CHCHD3: variants seen among roughly 807,000 people sequenced by gnomAD.
CHCHD3 encodes the protein MICOS complex subunit MIC19.
CHCHD3 carries 20 observed loss-of-function variants against 38.2 expected under a neutral mutation model. That is an observed-to-expected ratio of 0.52 (90% confidence interval 0.37 to 0.76). The LOEUF (loss-of-function observed/expected upper bound fraction) is 0.76, where lower values mean the gene tolerates loss of function less well. CHCHD3 is among the 30% of genes least tolerant of loss of function. CHCHD3 has a pLI of 0.00. For missense variants in CHCHD3, 245 were observed against 279.2 expected, an observed-to-expected ratio of 0.88 and a Z score of 0.87; for synonymous variants, 82 against 100.0, an observed-to-expected ratio of 0.82 and a Z score of 1.07.
intron 4 of CHCHD3, among the ~76,000 whole-genome samples, chr7:132,962,222 T>C (rs1811337524): frequency 6.6e-6 from 1 of 152,206 alleles, no homozygotes; most frequent in Admixed American, 6.5e-5. Context: ...TAAAATGGAC[T>C]TTTTTAATAA....
chr7:133,025,127 A>G (rs763451321), intron 2 of CHCHD3, among the ~76,000 whole-genome samples: 5 of 152,220 alleles, frequency 3.3e-5, no homozygotes, highest in South Asian at 2.1e-4. Flanking sequence ...GCCATTTGTC[A>G]TTTATGAAAA....
chr7:133,065,200 T>C (rs965871610), intron 2 of CHCHD3, among the ~76,000 whole-genome samples: 1 of 152,186 alleles, frequency 6.6e-6, no homozygotes, highest in Non-Finnish European at 1.5e-5. Context: ...GAGAGCACAT[T>C]CATTTATTAA....
chr7:132,832,251 C>G (rs916154827), intron 6 of CHCHD3, among the ~76,000 whole-genome samples: 2 of 152,120 alleles, frequency 1.3e-5, no homozygotes, highest in Non-Finnish European at 2.9e-5. Context: ...ATAAGGATAA[C>G]CTAAGCTTCT....
intron 1 of CHCHD3, among the ~76,000 whole-genome samples, chr7:133,075,386 T>C (rs1230011886): frequency 6.6e-6 from 1 of 152,216 alleles, no homozygotes; most frequent in African/African-American, 2.4e-5. Flanking sequence ...ACTGTATCCT[T>C]AGGCCCTTCC....
chr7:133,019,669 A>G (rs1413596541), intron 3 of CHCHD3, among the ~76,000 whole-genome samples: 1 of 152,218 alleles, frequency 6.6e-6, no homozygotes, highest in Admixed American at 6.5e-5. Flanking sequence ...GTTGATGTAC[A>G]GTTAGTTCCA....
chr7:132,915,204 AG>A (rs1810073837), intron 4 of CHCHD3, among the ~76,000 whole-genome samples: 1 of 152,086 alleles, frequency 6.6e-6, no homozygotes, highest in Non-Finnish European at 1.5e-5. Flanking sequence ...CAAGCTCTCA[AG>A]GTCATCCACT....
chr7:132,825,644 A>T (rs983275924), intron 6 of CHCHD3, among the ~76,000 whole-genome samples: 7 of 152,224 alleles, frequency 4.6e-5, no homozygotes, highest in African/African-American at 1.4e-4. Flanking sequence ...AGGTGTTACG[A>T]ATGTAAATCA....
intron 2 of CHCHD3, chr7:133,034,849 C>T (rs1240029966): frequency 1.1e-5 from 17 of 1,609,840 alleles, no homozygotes; most frequent in Admixed American, 6.7e-5. Context: ...ATGACACTGG[C>T]GAAGGCATTC....
chr7:132,887,293 C>T (rs1398170881), intron 4 of CHCHD3, among the ~76,000 whole-genome samples: 1 of 151,612 alleles, frequency 6.6e-6, no homozygotes, highest in African/African-American at 2.4e-5. Flanking sequence ...TAATCTATGG[C>T]TCCCTGGTAC....
At chr7:132,904,245 C>T (rs1809739472) in intron 4 of CHCHD3, among the ~76,000 whole-genome samples, 1 of 150,650 alleles carries the variant, frequency 6.6e-6, no homozygotes, top group South Asian at 2.1e-4. Flanking sequence ...CTGGATGACA[C>T]AGCAAGACTT....
At chr7:133,039,124 C>T (rs910613041) in intron 2 of CHCHD3, among the ~76,000 whole-genome samples, 1 of 151,420 alleles carries the variant, frequency 6.6e-6, no homozygotes, top group African/African-American at 2.4e-5. Context: ...AAACCAATTT[C>T]TTTTTTTTTA....
chr7:132,808,557 G>A (rs1397935088), intron 6 of CHCHD3, among the ~76,000 whole-genome samples: 1 of 152,096 alleles, frequency 6.6e-6, no homozygotes, highest in Non-Finnish European at 1.5e-5. Context: ...TGAAGCCAGG[G>A]ACTACATCTG....
At chr7:133,037,712 C>A (rs13244564) in intron 2 of CHCHD3, among the ~76,000 whole-genome samples, 6 of 152,134 alleles carry the variant, frequency 3.9e-5, no homozygotes, top group African/African-American at 1.2e-4. Context: ...ACTAGGGAGG[C>A]TGAGGCAGGA....
At chr7:133,066,540 C>T (rs985767532) in intron 2 of CHCHD3, among the ~76,000 whole-genome samples, 5 of 152,080 alleles carry the variant, frequency 3.3e-5, no homozygotes, top group African/African-American at 1.2e-4. Flanking sequence ...CAGGCATGAG[C>T]CACCAAGCCT....
At chr7:133,045,663 C>T (rs1477794019) in intron 2 of CHCHD3, among the ~76,000 whole-genome samples, 1 of 152,112 alleles carries the variant, frequency 6.6e-6, no homozygotes, top group African/African-American at 2.4e-5. Flanking sequence ...GATCTCGCAA[C>T]ATATGTATAT....
chr7:132,919,847 T>A (rs186972109), intron 4 of CHCHD3, among the ~76,000 whole-genome samples: 2 of 152,282 alleles, frequency 1.3e-5, no homozygotes, highest in Admixed American at 1.3e-4. Context: ...AGCTACAAGT[T>A]GGTGTATGTT....
intron 4 of CHCHD3, among the ~76,000 whole-genome samples, chr7:132,926,781 C>T (rs1006147316): frequency 6.6e-6 from 1 of 152,102 alleles, no homozygotes; most frequent in Admixed American, 6.5e-5. Flanking sequence ...AATGTAAATG[C>T]TATGTAAATA....
chr7:132,846,322 A>G (rs763623325), intron 5 of CHCHD3, among the ~76,000 whole-genome samples: 10 of 152,344 alleles, frequency 6.6e-5, no homozygotes, highest in Non-Finnish European at 1.5e-4. Context: ...ACTACAGGCT[A>G]TCTATGGTGA....
intron 2 of CHCHD3, among the ~76,000 whole-genome samples, chr7:133,060,056 T>C (rs1814457365): frequency 1.3e-5 from 2 of 152,088 alleles, no homozygotes; most frequent in Non-Finnish European, 2.9e-5. Flanking sequence ...AGAGAATTAG[T>C]AACACAAGAA....
Sources: gnomAD v4.1 joint callset for allele counts (sites outside exome capture counted in the v4.1 genomes callset) on GRCh38, gnomAD v4.1.1 for gene constraint, MANE v1.5 for transcripts, NCBI Gene and HGNC (gene_info 2026-07-23, HGNC 2026-07-21) for gene names.